The following SLC12A8 variants were observed in gnomAD, a reference collection of about 807,000 sequenced individuals.
SLC12A8 encodes solute carrier family 12 member 8, also known as cation-chloride cotransporter 9.
A neutral mutation model predicts 75.6 loss-of-function variants in SLC12A8; 69 were observed. The observed-to-expected ratio is 0.91, with a 90% CI of 0.75 to 1.11. The LOEUF (loss-of-function observed/expected upper bound fraction) is 1.11, where lower values mean the gene tolerates loss of function less well. SLC12A8 is among the 50% of genes most tolerant of loss of function. The probability of loss-of-function intolerance (pLI) is 0.00; values close to 1 mark genes in which losing one functional copy is unlikely to be tolerated. For missense variants in SLC12A8, 877 were observed against 896.7 expected (o/e 0.98, Z 0.28); for synonymous variants, 365 against 372.8 (o/e 0.98, Z 0.24).
At chr3:125,177,520 C>T (rs1934560221) in intron 5 of SLC12A8, among the ~76,000 whole-genome samples, 1 of 151,530 alleles carries the variant, frequency 6.6e-6, no homozygotes, top group East Asian at 1.9e-4. Context: ...AATAAAAGGA[C>T]ACATAGAAAA....
chr3:125,146,824 A>G (rs1378275169), intron 5 of SLC12A8, among the ~76,000 whole-genome samples: 2 of 151,946 alleles, frequency 1.3e-5, no homozygotes, highest in Non-Finnish European at 2.9e-5. Flanking sequence ...CATTTTTTGT[A>G]GAGACAAGGT....
chr3:125,108,182 A>T (rs1939089629), intron 9 of SLC12A8, 56 bp from the exon 10 acceptor site: 1 of 1,521,622 alleles, frequency 6.6e-7, no homozygotes, highest in Non-Finnish European at 8.9e-7. Context: ...AACGCTTCAG[A>T]GATTTCAGAA....
chr3:125,115,254 G>A (rs1001221195), intron 8 of SLC12A8, among the ~76,000 whole-genome samples: 14 of 152,218 alleles, frequency 9.2e-5, no homozygotes, highest in African/African-American at 2.9e-4. Flanking sequence ...GGGCGCAGTA[G>A]CTCATCCCTG....
chr3:125,210,917 T>C (rs1159551598), intron 2 of SLC12A8, among the ~76,000 whole-genome samples: 1 of 152,212 alleles, frequency 6.6e-6, no homozygotes, highest in Non-Finnish European at 1.5e-5. Context: ...GAAATCCTTT[T>C]GGCTTCAGAA....
intron 5 of SLC12A8, among the ~76,000 whole-genome samples, chr3:125,176,421 A>G (rs1166432206): frequency 3.3e-5 from 5 of 152,172 alleles, no homozygotes; most frequent in African/African-American, 1.2e-4. Context: ...ATGGGCAAGG[A>G]CTTCATGTCT....
intron 8 of SLC12A8, among the ~76,000 whole-genome samples, chr3:125,112,154 C>G (rs552897251): frequency 6.6e-6 from 1 of 152,200 alleles, no homozygotes; most frequent in Admixed American, 6.5e-5. Flanking sequence ...GAATAACCCC[C>G]AAATGGTCAG....
At chr3:125,172,759 C>CA (rs1161588536) in intron 5 of SLC12A8, among the ~76,000 whole-genome samples, 5 of 152,174 alleles carry the variant, frequency 3.3e-5, no homozygotes, top group Non-Finnish European at 7.3e-5. Context: ...CTTTACTTTA[C>CA]TTTTTACATT....
At chr3:125,093,968 C>A (rs1394748854) in intron 10 of SLC12A8, among the ~76,000 whole-genome samples, 2 of 152,164 alleles carry the variant, frequency 1.3e-5, no homozygotes, top group African/African-American at 4.8e-5. Context: ...CATCCATTGT[C>A]ATCATTGGTG....
intron 2 of SLC12A8, among the ~76,000 whole-genome samples, chr3:125,208,811 G>GAGAA (rs1553797736): frequency 2.8e-5 from 4 of 141,576 alleles, no homozygotes; most frequent in Admixed American, 6.9e-5. Context: ...GAGAGAGAGA[G>GAGAA]AGAGAGAGAG....
At chr3:125,158,860 C>A (rs1359005216) in intron 5 of SLC12A8, among the ~76,000 whole-genome samples, 2 of 151,958 alleles carry the variant, frequency 1.3e-5, no homozygotes, top group Non-Finnish European at 2.9e-5. Flanking sequence ...TTGCAGCAAC[C>A]CACCAAGAGA....
chr3:125,091,518 C>A lies in SLC12A8; in HGVS notation c.1842G>T (p.Trp614Cys). Residue 614 changes from tryptophan (W) to cysteine (C), a missense_variant, in exon 12 of 14, where the codon TGG (tryptophan) becomes TGT (cysteine). Trp to Cys is a radical substitution (Grantham distance 215). Coordinates refer to ENST00000469902, the MANE Select transcript of SLC12A8 (RefSeq NM_024628.6). ...CACCCATGTTAACCAGGGTATACAC[C>A]CACTGTATCACAAACATGATGAGAA... Reference protein sequence around the residue: ...GSLLIMFVIQWVYTLVNMGVA... With the variant: ...GSLLIMFVIQCVYTLVNMGVA... The A allele has an allele frequency of 1.2e-6, 2 of 1,613,828 alleles. No homozygotes were observed. Among genetic ancestry groups the A allele is most frequent in the Non-Finnish European group, 1.7e-6 (2 of 1,179,840 alleles).
In SLC12A8 at chr3:125,108,943, C is replaced by G. The variant is rs367618422; in HGVS notation, c.1060-817G>C. 1.5e-4 allele frequency among the ~76,000 whole-genome samples: 23 copies of G among 152,240 alleles called. No homozygotes were observed. The East Asian group carries it at 4.2e-3, about 28-fold the overall frequency. On this transcript the variant is annotated intron_variant, in intron 9 of 13. Coordinates refer to ENST00000469902, the MANE Select transcript of SLC12A8 (RefSeq NM_024628.6). ...TTATTAATGGAGGTGGGTATGGTGA[C>G]CTTCAGGTGGACAGGAGTGGAAAAA...
At chr3:125,120,961 C>G in intron 6 of SLC12A8, 1 of 671,298 alleles carries the variant, frequency 1.5e-6, no homozygotes, top group Non-Finnish European at 2.7e-6. Flanking sequence ...GCAAAGCAAC[C>G]AGGGGGGAGG....
rs553412799 is a variant in SLC12A8, at chr3:125,202,209, C to T, written c.51+9090G>A. Among the ~76,000 whole-genome samples the T allele has an allele frequency of 1.7e-3, 260 of 152,236 alleles. 7 individuals carry two copies. Among genetic ancestry groups the T allele is most frequent in the South Asian group, 4.6e-3 (22 of 4,812 alleles). ...ACTGGCATGAGCCACCTCGCCCAGCCGTATGTGTATTTCTCTTAATCCTAC... is the reference window on the plus strand; with the variant it reads ...ACTGGCATGAGCCACCTCGCCCAGCTGTATGTGTATTTCTCTTAATCCTAC... On this transcript the variant is annotated intron_variant, in intron 2 of 13. Transcript: ENST00000469902.
In SLC12A8 at chr3:125,108,081, A is replaced by G. The variant is rs773318050; in HGVS notation, c.1105T>C (p.Leu369=). 6.8e-6 allele frequency: 11 copies of G among 1,614,206 alleles called. No individual in the cohort carries two copies. The highest frequency in any genetic ancestry group is 1.3e-5 in the African/African-American group (1 of 75,050). The change falls in exon 10 of 14, where the codon TTG becomes CTG. Residue 369 remains leucine (L), a synonymous_variant. Transcript: ENST00000469902. ...TPVAAICLTS[L]VTMAFVFVGQ... is the part of the protein sequence containing the mutation. ...ACAAAAACAAAGGCCATGGTCACCA[A>G]GCTGGTCAGGCAGATGGCAGCCACG...
chr3:125,088,125 A>C, intron 13 of SLC12A8, 185 bp downstream of exon 13: 1 of 595,310 alleles, frequency 1.7e-6, no homozygotes, highest in African/African-American at 1.9e-5. Flanking sequence ...TGATGAGCCG[A>C]ATCTGGGGGC....
chr3:125,149,653 G>T (rs964351416), intron 5 of SLC12A8, among the ~76,000 whole-genome samples: 1 of 152,102 alleles, frequency 6.6e-6, no homozygotes, highest in African/African-American at 2.4e-5. Flanking sequence ...GGTAGAACAA[G>T]TCAAAGAACA....
At chr3:125,155,997 A>C (rs922150787) in intron 5 of SLC12A8, among the ~76,000 whole-genome samples, 4 of 152,112 alleles carry the variant, frequency 2.6e-5, no homozygotes, top group African/African-American at 9.7e-5. Context: ...TGGGTCACAG[A>C]CTTGTGAGCC....
chr3:125,212,349 G>T (rs1935352630), intron 1 of SLC12A8, among the ~76,000 whole-genome samples: 1 of 152,142 alleles, frequency 6.6e-6, no homozygotes, highest in Non-Finnish European at 1.5e-5. Context: ...GCCGCACAGA[G>T]CAAGGGACCC....
Sources: allele counts gnomAD v4.1 joint callset (sites outside exome capture counted in the v4.1 genomes callset), GRCh38; gene constraint gnomAD v4.1.1; transcripts MANE v1.5; gene names NCBI Gene and HGNC (gene_info 2026-07-23, HGNC 2026-07-21).